GATA3: variants seen among roughly 807,000 people sequenced by gnomAD.
GATA3 encodes the protein trans-acting T-cell-specific transcription factor GATA-3.
GATA3 carries 6 observed loss-of-function variants against 36.0 expected under a neutral mutation model. That is an observed-to-expected ratio of 0.17 (90% CI 0.09 to 0.33). GATA3 has a LOEUF of 0.33. Among genes scored for constraint, GATA3 ranks in the 10% least tolerant of loss-of-function variants. The pLI, the probability that GATA3 is intolerant of heterozygous loss-of-function variation, is 1.00. For missense variants in GATA3, 514 were observed against 610.1 expected (o/e 0.84, Z 1.66); for synonymous variants, 326 against 273.0 (o/e 1.19, Z -1.92).
rs412359 is a variant in GATA3 at position 8,055,598 on chromosome 10, C to T, written c.-58C>T. ...CCCCCGACCTCCCAGGCGGACCGCC[C>T]TCCCTCCCCGCGCGCGGGTTCCGGG... On this transcript the variant is annotated 5_prime_UTR_variant, in exon 2 of 6. Transcript: ENST00000379328. This position sits in a 1 kb window ranked among gnomAD's most constrained non-coding sequence, Gnocchi z 5.4. 9,881 of 1,532,416 alleles carry T rather than the reference C, an allele frequency of 6.4e-3. 492 individuals carry two copies. The African/African-American group carries it at 0.12, about 18-fold the overall frequency. The allele number at this position is 1,532,416 out of a possible 1,614,324, so 94.9% of individuals were successfully genotyped here.
chr10:8,060,087 G>A (rs1238835483), intron 3 of GATA3, among the ~76,000 whole-genome samples: 2 of 152,234 alleles, frequency 1.3e-5, no homozygotes, highest in African/African-American at 2.4e-5. Context: ...GTGACCATGA[G>A]ATCAGTTTTC....
At chr10:8,073,186 A>C (rs1311944282) in intron 5 of GATA3, among the ~76,000 whole-genome samples, 8 of 150,548 alleles carry the variant, frequency 5.3e-5, no homozygotes, top group Non-Finnish European at 1.0e-4. Flanking sequence ...CCTTTAAGAA[A>C]GGCATGGTTT....
chr10:8,057,476 C>T (rs1832659341), intron 2 of GATA3, among the ~76,000 whole-genome samples: 1 of 152,142 alleles, frequency 6.6e-6, no homozygotes, highest in African/African-American at 2.4e-5. Context: ...TGAAAATTCA[C>T]CCATGGCACT....
intron 4 of GATA3, among the ~76,000 whole-genome samples, chr10:8,067,514 T>C (rs1469677062): frequency 6.6e-6 from 1 of 152,110 alleles, no homozygotes; most frequent in Non-Finnish European, 1.5e-5. Context: ...AAAATATTGA[T>C]ATAAAACTGT....
rs550041025 is a variant in GATA3 at position 8,060,388 on chromosome 10, C to T, written c.778+1547C>T. Among the ~76,000 whole-genome samples, 9 of 152,162 alleles carry T rather than the reference C, an allele frequency of 5.9e-5. No individual in the cohort carries two copies. In the East Asian group the frequency reaches 9.6e-4, roughly 16 times the overall value. ...GAGAGCTGGAGGCACAAAGTGGCCACGGTGCCTGGCAGGGGCTGGGCTTGG... is the reference window on the plus strand; with the variant it reads ...GAGAGCTGGAGGCACAAAGTGGCCATGGTGCCTGGCAGGGGCTGGGCTTGG... On this transcript the variant is annotated intron_variant, in intron 3 of 5. Coordinates refer to ENST00000379328, the MANE Select transcript of GATA3 (RefSeq NM_001002295.2).
chr10:8,051,395 C>T (rs978572646), upstream of GATA3: 1 of 228,966 alleles, frequency 4.4e-6, no homozygotes. Flanking sequence ...GGTGGCCGCG[C>T]CGTCGCCTGC....
intron 4 of GATA3, among the ~76,000 whole-genome samples, chr10:8,067,457 C>T (rs1190940299): frequency 6.6e-6 from 1 of 152,190 alleles, no homozygotes; most frequent in Non-Finnish European, 1.5e-5. Flanking sequence ...TCACTGGGTT[C>T]TCCATATCTG....
intron 4 of GATA3, among the ~76,000 whole-genome samples, chr10:8,064,584 C>T (rs930902733): frequency 2.0e-5 from 3 of 152,130 alleles, no homozygotes; most frequent in African/African-American, 7.2e-5. Context: ...GAAGTTGTGG[C>T]GTGTGGCTTC....
chr10:8,060,689 T>A (rs908778939), intron 3 of GATA3, among the ~76,000 whole-genome samples: 26 of 152,052 alleles, frequency 1.7e-4, no homozygotes, highest in African/African-American at 6.3e-4. Flanking sequence ...GTGTTTGATT[T>A]CTCCCCCTCT....
At position 8,058,165 on chromosome 10, in the gene GATA3, A is replaced by AAT. The variant is rs139687546; in HGVS notation, c.242-140_242-139insAT. 64 of 870,110 alleles carry AAT rather than the reference A, an allele frequency of 7.4e-5. 2 individuals carry two copies. Among genetic ancestry groups the AAT allele is most frequent in the Non-Finnish European group, 8.7e-5 (48 of 553,804 alleles). 53.9% of individuals were successfully genotyped at this position (870,110 alleles called of 1,614,324 possible). A position where few individuals can be genotyped will look rare whatever the true frequency, so the allele number is the denominator to read the frequency against. ...GGCAGGTACTCCGGGGACCGCCAGG[A>AAT]TGAGAGAGTGGGCCTGAGCCCGGGC... On this transcript the variant is annotated intron_variant, in intron 2 of 5. Coordinates refer to ENST00000379328, the MANE Select transcript of GATA3 (RefSeq NM_001002295.2).
At chr10:8,062,399 C>G (rs1365587879) in intron 3 of GATA3, among the ~76,000 whole-genome samples, 2 of 148,028 alleles carry the variant, frequency 1.4e-5, no homozygotes, top group Non-Finnish European at 3.0e-5. Flanking sequence ...TAGACAAAAA[C>G]TAGTGGGCAC....
intron 1 of GATA3, among the ~76,000 whole-genome samples, chr10:8,048,277 G>T (rs948465253): frequency 1.3e-5 from 2 of 152,214 alleles, no homozygotes; most frequent in Admixed American, 6.5e-5. Context: ...CAGGCCGGGG[G>T]AGTGGAGCAG....
chr10:8,049,454 C>G (rs1038747619), upstream of GATA3, among the ~76,000 whole-genome samples: 2 of 152,246 alleles, frequency 1.3e-5, no homozygotes, highest in Non-Finnish European at 2.9e-5. Flanking sequence ...CCCCGCTCTC[C>G]GCATTTCAGC....
rs765395344 is a variant in GATA3 at position 8,055,629 on chromosome 10, C to G, written c.-27C>G. 1 of 1,544,616 alleles carries G rather than the reference C, an allele frequency of 6.5e-7. No individual in the cohort carries two copies. Among genetic ancestry groups the G allele is most frequent in the East Asian group, 2.4e-5 (1 of 40,948 alleles). On this transcript the variant is annotated 5_prime_UTR_variant, in exon 2 of 6. Coordinates refer to ENST00000379328, the MANE Select transcript of GATA3 (RefSeq NM_001002295.2). This position sits in a 1 kb window ranked among gnomAD's most constrained non-coding sequence, Gnocchi z 5.4. Reference sequence around the variant, plus strand: ...CCCCGCGCGCGGGTTCCGGGCCCGGCGAGAGGGCGCGAGCACAGCCGAGGC... The same window carrying G: ...CCCCGCGCGCGGGTTCCGGGCCCGGGGAGAGGGCGCGAGCACAGCCGAGGC...
At chr10:8,067,077 A>G (rs1832854728) in intron 4 of GATA3, among the ~76,000 whole-genome samples, 1 of 152,164 alleles carries the variant, frequency 6.6e-6, no homozygotes, top group Non-Finnish European at 1.5e-5. Flanking sequence ...ATCACATATA[A>G]TTTAATTGTC....
chr10:8,073,531 G>T (rs1157918726), intron 5 of GATA3, among the ~76,000 whole-genome samples: 1 of 152,068 alleles, frequency 6.6e-6, no homozygotes, highest in African/African-American at 2.4e-5. Flanking sequence ...ACTAGACGGG[G>T]CTGTAATCTG....
intron 5 of GATA3, among the ~76,000 whole-genome samples, chr10:8,070,785 C>A (rs1832919346): frequency 6.6e-6 from 1 of 152,152 alleles, no homozygotes; most frequent in South Asian, 2.1e-4. Flanking sequence ...ACGCTCATTC[C>A]CTGCCTGTGC....
At chr10:8,058,928 G>A in intron 3 of GATA3, 87 bp downstream of exon 3, 2 of 1,294,740 alleles carry the variant, frequency 1.5e-6, no homozygotes, top group Non-Finnish European at 2.2e-6. Context: ...GACCCCTCAG[G>A]GGAGCCGGGG....
intron 3 of GATA3, among the ~76,000 whole-genome samples, chr10:8,061,089 C>CTCT (rs754738004): frequency 2.1e-5 from 3 of 145,734 alleles, no homozygotes; most frequent in African/African-American, 7.7e-5. Context: ...CTCTCTCTCT[C>CTCT]TTTTTTACCC....
Sources: gnomAD v4.1 joint callset for allele counts (sites outside exome capture counted in the v4.1 genomes callset) on GRCh38, gnomAD v4.1.1 for gene constraint, Gnocchi (gnomAD v3.1) non-coding constraint, MANE v1.5 for transcripts, NCBI Gene and HGNC (gene_info 2026-07-23, HGNC 2026-07-21) for gene names.